Variants in CNTN4 observed in about 807,000 individuals in gnomAD.
The protein encoded by CNTN4 is contactin-4.
In CNTN4, 77 loss-of-function variants were observed where a neutral mutation model predicts 122.5. That is an observed-to-expected ratio of 0.63 (90% confidence interval 0.52 to 0.76). The LOEUF (loss-of-function observed/expected upper bound fraction) is 0.76, where lower values mean the gene tolerates loss of function less well. Ranked by LOEUF, CNTN4 falls within the 30% of genes least tolerant of loss-of-function variation. The pLI is 0.00. For missense variants in CNTN4, 1,256 were observed against 1,259.1 expected (o/e 1.00, Z 0.04); for synonymous variants, 512 against 447.0 (o/e 1.15, Z -1.83).
chr3:2,657,973 A>G (rs1559354617), intron 4 of CNTN4, among the ~76,000 whole-genome samples: 1 of 150,460 alleles, frequency 6.6e-6, no homozygotes, highest in Non-Finnish European at 1.5e-5. Context: ...AACTGAAGCC[A>G]TGAGGATGAG....
At chr3:2,743,042 C>A (rs1213295417) in intron 5 of CNTN4, among the ~76,000 whole-genome samples, 1 of 152,160 alleles carries the variant, frequency 6.6e-6, no homozygotes, top group Non-Finnish European at 1.5e-5. Flanking sequence ...TTCTGCACAG[C>A]ATTTTAGTTG....
At chr3:2,298,934 A>G (rs2150054319) in intron 2 of CNTN4, among the ~76,000 whole-genome samples, 1 of 152,332 alleles carries the variant, frequency 6.6e-6, no homozygotes, top group Non-Finnish European at 1.5e-5. Context: ...ATTAGACATT[A>G]AAGCATCTTG....
At chr3:2,887,345 C>T (rs2093990360) in intron 10 of CNTN4, 121 bp downstream of exon 10, 2 of 940,120 alleles carry the variant, frequency 2.1e-6, no homozygotes, top group African/African-American at 1.6e-5. Context: ...CTGTGTGAAA[C>T]TCATGGTTTG....
chr3:2,099,239 C>G (rs1016058714), intron 1 of CNTN4: 1 of 152,358 alleles, frequency 6.6e-6, no homozygotes, highest in Non-Finnish European at 1.5e-5. Flanking sequence ...ACGACGCCAC[C>G]GTCACCCCAC....
At chr3:3,031,109 C>T (rs1283926486) in intron 16 of CNTN4, 134 bp downstream of exon 16, 1 of 1,163,524 alleles carries the variant, frequency 8.6e-7, no homozygotes, top group African/African-American at 1.5e-5. Context: ...TAAACAGTGG[C>T]TAACAGTCCA....
chr3:2,936,009 A>T (rs946640736), intron 13 of CNTN4, among the ~76,000 whole-genome samples: 12 of 152,358 alleles, frequency 7.9e-5, no homozygotes, highest in Admixed American at 7.2e-4. Context: ...AGGAGGAGAT[A>T]AAACTGGGAC....
At position 2,460,861 on chromosome 3, in the gene CNTN4, T is replaced by C. The variant is rs13074595; in HGVS notation, c.-88-110555T>C. The stretch of plus-strand genomic sequence containing the variant: ...TACTGTGTGTGTGGTGCCATGATAA[T>C]CACTGGAAATAGTAGCAGTAGCTGA... On this transcript the variant is annotated intron_variant, in intron 3 of 24. Transcript: ENST00000418658. Among the ~76,000 whole-genome samples the C allele has an allele frequency of 2.0e-5, 3 of 151,230 alleles. No homozygotes were observed. The South Asian group carries it at 6.4e-4, about 32-fold the overall frequency.
chr3:3,014,763 A>C (rs1559790665), intron 14 of CNTN4, among the ~76,000 whole-genome samples: 1 of 151,668 alleles, frequency 6.6e-6, no homozygotes, highest in Non-Finnish European at 1.5e-5. Context: ...AAATTATTTG[A>C]TGTATCTTTA....
intron 3 of CNTN4, among the ~76,000 whole-genome samples, chr3:2,441,272 A>G (rs974395202): frequency 6.6e-6 from 1 of 152,186 alleles, no homozygotes; most frequent in Non-Finnish European, 1.5e-5. Context: ...GGATGAGTGG[A>G]CTATGATATG....
chr3:2,305,162 A>G (rs2042660201), intron 2 of CNTN4, among the ~76,000 whole-genome samples: 1 of 152,096 alleles, frequency 6.6e-6, no homozygotes, highest in Non-Finnish European at 1.5e-5. Context: ...ATGATCATGT[A>G]GTTCCCACAG....
At chr3:2,123,065 A>G (rs2033902608) in intron 2 of CNTN4, among the ~76,000 whole-genome samples, 1 of 152,182 alleles carries the variant, frequency 6.6e-6, no homozygotes, top group East Asian at 1.9e-4. Flanking sequence ...TTCTTGACTT[A>G]AGGCATCCTC....
At chr3:2,381,541 A>T (rs757653266) in intron 3 of CNTN4, among the ~76,000 whole-genome samples, 2 of 152,144 alleles carry the variant, frequency 1.3e-5, no homozygotes, top group Non-Finnish European at 2.9e-5. Context: ...AATAAATCTG[A>T]AGTCAAAAGA....
chr3:2,557,190 C>G (rs79833176), intron 3 of CNTN4, among the ~76,000 whole-genome samples: 1 of 152,114 alleles, frequency 6.6e-6, no homozygotes, highest in African/African-American at 2.4e-5. Context: ...ACTACAGTTT[C>G]TCCTACCAAC....
chr3:2,834,955 A>G (rs935973232), intron 7 of CNTN4, among the ~76,000 whole-genome samples: 71 of 106,860 alleles, frequency 6.6e-4, no homozygotes, highest in African/African-American at 2.4e-3. Context: ...CCCAGGCTGG[A>G]GTGCAGTGGG....
chr3:2,797,502 G>T (rs536015191), intron 6 of CNTN4, among the ~76,000 whole-genome samples: 1 of 152,164 alleles, frequency 6.6e-6, no homozygotes. Context: ...GGAGACTGAG[G>T]CAGGAGAATC....
intron 4 of CNTN4, among the ~76,000 whole-genome samples, chr3:2,664,238 A>T (rs904233886): frequency 7.2e-5 from 11 of 152,208 alleles, no homozygotes; most frequent in Admixed American, 3.3e-4. Flanking sequence ...AGTTTGGGGT[A>T]ATAGAAATAC....
intron 4 of CNTN4, among the ~76,000 whole-genome samples, chr3:2,597,091 A>G (rs1454761494): frequency 1.3e-5 from 2 of 152,172 alleles, no homozygotes; most frequent in Admixed American, 6.6e-5. Flanking sequence ...AGACCAGGTC[A>G]CCCAAACTTA....
At chr3:2,677,486 C>T (rs1011017539) in intron 4 of CNTN4, among the ~76,000 whole-genome samples, 15 of 63,968 alleles carry the variant, frequency 2.3e-4, no homozygotes, top group Non-Finnish European at 4.5e-4. Context: ...CCATCTATAT[C>T]TATCTATCTA....
chr3:2,317,868 G>A (rs2043158467), intron 2 of CNTN4, among the ~76,000 whole-genome samples: 1 of 152,082 alleles, frequency 6.6e-6, no homozygotes, highest in Admixed American at 6.6e-5. Context: ...GAAGACTAAC[G>A]TCGTTTGAAA....
Sources: allele counts gnomAD v4.1 joint callset (sites outside exome capture counted in the v4.1 genomes callset), GRCh38; gene constraint gnomAD v4.1.1; transcripts MANE v1.5; gene names NCBI Gene and HGNC (gene_info 2026-07-23, HGNC 2026-07-21).